Variants in FRMD4A observed in about 807,000 individuals in gnomAD.
FRMD4A encodes the protein FERM domain containing 4A.
In FRMD4A, 29 loss-of-function variants were observed where a neutral mutation model predicts 129.1. That is an observed-to-expected ratio of 0.22 (90% CI 0.17 to 0.31). FRMD4A has a LOEUF of 0.31. Ranked by LOEUF, FRMD4A falls within the 10% of genes least tolerant of loss-of-function variation. The pLI is 1.00. For synonymous variants in FRMD4A, 634 were observed against 571.6 expected (o/e 1.11, Z -1.56); for missense variants, 1,272 against 1,375.8 (o/e 0.92, Z 1.19).
intron 15 of FRMD4A, among the ~76,000 whole-genome samples, chr10:13,678,370 G>T (rs1032973977): frequency 6.6e-6 from 1 of 152,236 alleles, no homozygotes; most frequent in African/African-American, 2.4e-5. Flanking sequence ...GAGCCAGCCT[G>T]CCTTGGACAT....
intron 7 of FRMD4A, 134 bp downstream of exon 7, chr10:13,762,490 T>C: frequency 1.6e-6 from 1 of 624,556 alleles, no homozygotes; most frequent in Admixed American, 2.9e-5. Flanking sequence ...AATAGCTCTA[T>C]GCAGCTTGTG....
intron 3 of FRMD4A, among the ~76,000 whole-genome samples, chr10:13,812,832 T>C (rs1157066691): frequency 6.6e-6 from 1 of 152,220 alleles, no homozygotes; most frequent in Non-Finnish European, 1.5e-5. Flanking sequence ...CTTCCATTCA[T>C]ACTGAATTTT....
chr10:13,664,979 T>A (rs1011733970), intron 18 of FRMD4A, among the ~76,000 whole-genome samples: 1 of 152,056 alleles, frequency 6.6e-6, no homozygotes, highest in African/African-American at 2.4e-5. Context: ...GCCTCCCAGG[T>A]TCAAGCGATT....
intron 17 of FRMD4A, among the ~76,000 whole-genome samples, chr10:13,670,141 C>G (rs765112732): frequency 6.6e-6 from 1 of 152,154 alleles, no homozygotes; most frequent in African/African-American, 2.4e-5. Context: ...ATGTTTTCCC[C>G]AAGCTCAACG....
chr10:13,699,647 G>C (rs3750878), intron 14 of FRMD4A, among the ~76,000 whole-genome samples: 57,449 of 151,938 alleles, frequency 0.38, 11,248 homozygotes, highest in African/African-American at 0.49. Context: ...GGGGTCTGCC[G>C]TCAAGGGGAA....
At chr10:14,186,070 A>T (rs7100072) in intron 2 of FRMD4A, among the ~76,000 whole-genome samples, 11,115 of 152,136 alleles carry the variant, frequency 0.073, 706 homozygotes, top group African/African-American at 0.16. Flanking sequence ...AGACACTGGA[A>T]ACCATCGTCC....
chr10:13,992,911 C>T (rs1263568764), intron 2 of FRMD4A, among the ~76,000 whole-genome samples: 1 of 132,294 alleles, frequency 7.6e-6, no homozygotes, highest in Non-Finnish European at 1.5e-5. Flanking sequence ...CAAGATTGTG[C>T]CATTGCACTC....
intron 20 of FRMD4A, 128 bp from the exon 21 acceptor site, chr10:13,659,618 C>T (rs1267442660): frequency 1.2e-6 from 1 of 860,598 alleles, no homozygotes; most frequent in Non-Finnish European, 1.8e-6. Context: ...CTCGCTTGGT[C>T]AGACCTCTAC....
rs1402961902 is a variant in FRMD4A at position 13,643,835 on chromosome 10, T to C, written c.*3203A>G. On this transcript the variant is annotated 3_prime_UTR_variant, in exon 25 of 25. Transcript: ENST00000357447. The stretch of plus-strand genomic sequence containing the variant: ...ATTTCTTTTTTTAATTCTGCAACTT[T>C]GTCTACAACGTACATCTTTTTCATT... The C allele has an allele frequency of 6.5e-6, 1 of 152,686 alleles. No individual in the cohort carries two copies. Among genetic ancestry groups the C allele is most frequent in the Non-Finnish European group, 1.5e-5 (1 of 68,046 alleles). The allele number at this position is 152,686 out of a possible 1,614,324, so 9.5% of individuals were successfully genotyped here.
intron 21 of FRMD4A, 127 bp downstream of exon 21, chr10:13,659,196 G>C: frequency 1.1e-6 from 1 of 882,808 alleles, no homozygotes; most frequent in South Asian, 1.5e-5. Context: ...TTTTTATTCC[G>C]CTTCATTTAT....
At chr10:14,003,030 A>C (rs544082569) in intron 2 of FRMD4A, among the ~76,000 whole-genome samples, 24 of 152,326 alleles carry the variant, frequency 1.6e-4, no homozygotes, top group Admixed American at 6.5e-4. Flanking sequence ...ATCCTGAGGC[A>C]GGGAGCCACT....
At position 13,701,494 on chromosome 10, in the gene FRMD4A, T is replaced by TCACAAGGTTCAA. The variant is rs372316081; in HGVS notation, c.837-28_837-17dup. On this transcript the variant is annotated splice_polypyrimidine_tract_variant and intron_variant, in intron 13 of 24. Coordinates refer to ENST00000357447, the MANE Select transcript of FRMD4A (RefSeq NM_018027.5). ...CACTGAAGCCCTGGGGAAGCAAGAATCACAAGGTTCAATCCCATTTCTGTT... is the reference window on the plus strand; with the variant it reads ...CACTGAAGCCCTGGGGAAGCAAGAATCACAAGGTTCAACACAAGGTTCAATCCCATTTCTGTT... The TCACAAGGTTCAA allele has an allele frequency of 1.5e-5, 24 of 1,610,110 alleles. No homozygotes were observed. In the African/African-American group the frequency reaches 1.7e-4, roughly 12 times the overall value.
chr10:13,998,610 T>A (rs931440183), intron 2 of FRMD4A, among the ~76,000 whole-genome samples: 2 of 152,210 alleles, frequency 1.3e-5, no homozygotes, highest in East Asian at 3.8e-4. Flanking sequence ...GTGGTTCCCA[T>A]CTTGGTAAGC....
At chr10:13,973,619 G>C (rs903696178) in intron 2 of FRMD4A, among the ~76,000 whole-genome samples, 1 of 152,048 alleles carries the variant, frequency 6.6e-6, no homozygotes, top group Non-Finnish European at 1.5e-5. Context: ...TGAAAAGCAG[G>C]TGGGTACTAC....
chr10:13,917,441 C>T (rs2095022826), intron 2 of FRMD4A, among the ~76,000 whole-genome samples: 1 of 152,026 alleles, frequency 6.6e-6, no homozygotes, highest in Non-Finnish European at 1.5e-5. Flanking sequence ...GGTCATGCAC[C>T]ACCATGCCCA....
In FRMD4A at chr10:13,966,216, T is replaced by C. The variant is rs148391967; in HGVS notation, c.46-107304A>G. Among the ~76,000 whole-genome samples, 1,425 of 152,208 alleles carry C rather than the reference T, an allele frequency of 9.4e-3. 36 individuals are homozygous for C. Among genetic ancestry groups the C allele is most frequent in the African/African-American group, 0.033 (1,360 of 41,508 alleles). On this transcript the variant is annotated intron_variant, in intron 2 of 24. Coordinates refer to ENST00000357447, the MANE Select transcript of FRMD4A (RefSeq NM_018027.5). ...TTTTGTATTTTTAGTAGAGACAGGG[T>C]TTCACCATGTTGGCCAAGCTGGTCT...
At chr10:13,888,709 A>G (rs964191916) in intron 2 of FRMD4A, among the ~76,000 whole-genome samples, 4 of 152,210 alleles carry the variant, frequency 2.6e-5, no homozygotes, top group Non-Finnish European at 5.9e-5. Context: ...AAATGTTATC[A>G]TATCAGGTGC....
At chr10:14,039,460 ATCTATCT>A (rs61345615) in intron 2 of FRMD4A, among the ~76,000 whole-genome samples, 14,366 of 69,604 alleles carry the variant, frequency 0.21, 879 homozygotes, top group South Asian at 0.26. Flanking sequence ...CAATCAATCT[ATCTATCT>A]ATCTATCTAT....
chr10:14,089,640 C>CA (rs759243260), intron 2 of FRMD4A, among the ~76,000 whole-genome samples: 12,644 of 69,942 alleles, frequency 0.18, 1,083 homozygotes, highest in East Asian at 0.38. Context: ...CAAAAAAAAA[C>CA]AAACAAAAAA....
Sources: gnomAD v4.1 joint callset for allele counts (sites outside exome capture counted in the v4.1 genomes callset) on GRCh38, gnomAD v4.1.1 for gene constraint, MANE v1.5 for transcripts, NCBI Gene and HGNC (gene_info 2026-07-23, HGNC 2026-07-21) for gene names.